YIPF7: variants seen among roughly 807,000 people sequenced by gnomAD.
YIPF7 encodes protein YIPF7.
In YIPF7, 35 loss-of-function variants were observed where a neutral mutation model predicts 27.2. The observed-to-expected ratio is 1.29, with a 90% CI of 0.98 to 1.70. YIPF7 has a LOEUF of 1.70. Among genes scored for constraint, YIPF7 ranks in the 40% most tolerant of loss-of-function variants. The pLI, the probability that YIPF7 is intolerant of heterozygous loss-of-function variation, is 0.00. For synonymous variants in YIPF7, 137 were observed against 110.4 expected, an observed-to-expected ratio of 1.24 and a Z score of -1.51; for missense variants, 358 against 303.7, an observed-to-expected ratio of 1.18 and a Z score of -1.33.
chr4:44,640,636 C>A (rs1713292512), intron 2 of YIPF7, among the ~76,000 whole-genome samples: 1 of 152,184 alleles, frequency 6.6e-6, no homozygotes, highest in Non-Finnish European at 1.5e-5. Flanking sequence ...GGTGTCATAG[C>A]CAACCCAACT....
At chr4:44,650,507 G>GCGCGCACACACACACACA (rs6148421) in intron 1 of YIPF7, among the ~76,000 whole-genome samples, 4 of 137,086 alleles carry the variant, frequency 2.9e-5, no homozygotes, top group Non-Finnish European at 6.4e-5. Context: ...GCGCGCGCGC[G>GCGCGCACACACACACACA]CACACACACA....
At chr4:44,641,350 T>TA (rs899770938) in intron 2 of YIPF7, among the ~76,000 whole-genome samples, 7 of 151,920 alleles carry the variant, frequency 4.6e-5, no homozygotes, top group African/African-American at 9.7e-5. Context: ...CCATCTTGAA[T>TA]AAAAAAAAGA....
chr4:44,633,495 T>A (rs1361244160), intron 3 of YIPF7, among the ~76,000 whole-genome samples: 1 of 151,986 alleles, frequency 6.6e-6, no homozygotes, highest in Non-Finnish European at 1.5e-5. Context: ...AACTATTGAA[T>A]AAAAAATTTC....
At chr4:44,632,020 A>G (rs1053010632) in intron 3 of YIPF7, among the ~76,000 whole-genome samples, 1 of 152,144 alleles carries the variant, frequency 6.6e-6, no homozygotes, top group Non-Finnish European at 1.5e-5. Context: ...TCAACCATGT[A>G]TTTAATGGCA....
intron 2 of YIPF7, 108 bp from the exon 3 acceptor site, chr4:44,636,193 T>A: frequency 4.3e-6 from 5 of 1,152,420 alleles, no homozygotes; most frequent in Non-Finnish European, 5.9e-6. Context: ...TTTATGAGTA[T>A]TTACTCATGA....
At chr4:44,628,927 T>C (rs1371242) in intron 4 of YIPF7, among the ~76,000 whole-genome samples, 79,553 of 151,956 alleles carry the variant, frequency 0.52, 22,205 homozygotes, top group Non-Finnish European at 0.63. Context: ...TAATTTTTCA[T>C]AGTAGCCTAA....
At chr4:44,643,410 T>C (rs1713407929) in intron 2 of YIPF7, among the ~76,000 whole-genome samples, 1 of 152,176 alleles carries the variant, frequency 6.6e-6, no homozygotes. Context: ...GATCTGAAAC[T>C]TGAAATTATA....
chr4:44,622,307 C>G lies in YIPF7; in HGVS notation c.*107G>C. 7.4e-7 allele frequency: 1 copy of G among 1,355,426 alleles called. No individual in the cohort carries two copies. The highest frequency in any genetic ancestry group is 1.0e-6 in the Non-Finnish European group (1 of 1,000,682). The allele number at this position is 1,355,426 out of a possible 1,614,324, so 84.0% of individuals were successfully genotyped here. ...GCTTTGTCTCTCTGCTTATTACTCT[C>G]TCAAAAGCAATAAAACAGAAATCAT... On this transcript the variant is annotated 3_prime_UTR_variant, in exon 6 of 6. Transcript: ENST00000415895.
At chr4:44,629,334 A>G (rs1577733447) in intron 4 of YIPF7, 69 bp downstream of exon 4, 20 of 1,404,230 alleles carry the variant, frequency 1.4e-5, no homozygotes, top group Non-Finnish European at 1.9e-5. Context: ...TTATATTTAT[A>G]CAGATTGCTT....
chr4:44,651,683 C>A, upstream of YIPF7: 1 of 1,287,850 alleles, frequency 7.8e-7, no homozygotes, highest in Non-Finnish European at 1.1e-6. Flanking sequence ...ATTCTGACAC[C>A]CTGAGCAGAT....
At chr4:44,643,244 G>T (rs186088096) in intron 2 of YIPF7, among the ~76,000 whole-genome samples, 1 of 152,168 alleles carries the variant, frequency 6.6e-6, no homozygotes, top group African/African-American at 2.4e-5. Flanking sequence ...AAGAGACTGG[G>T]TGCATTGTGC....
At chr4:44,628,933 C>A (rs1372827907) in intron 4 of YIPF7, among the ~76,000 whole-genome samples, 2 of 152,006 alleles carry the variant, frequency 1.3e-5, no homozygotes, top group Non-Finnish European at 2.9e-5. Flanking sequence ...TTCATAGTAG[C>A]CTAACCCAAA....
At chr4:44,657,418 G>C (rs770264574) in intron 2 of YIPF7, among the ~76,000 whole-genome samples, 3 of 152,130 alleles carry the variant, frequency 2.0e-5, no homozygotes, top group Non-Finnish European at 4.4e-5. Context: ...AAATACAATT[G>C]AATCTTCTTT....
chr4:44,642,578 C>A (rs1713367147), intron 2 of YIPF7, among the ~76,000 whole-genome samples: 1 of 152,094 alleles, frequency 6.6e-6, no homozygotes. Flanking sequence ...TGTCCCCACC[C>A]AAATCTCATG....
intron 2 of YIPF7, among the ~76,000 whole-genome samples, chr4:44,641,806 A>C (rs17600913): frequency 0.091 from 13,833 of 152,238 alleles, 693 homozygotes; most frequent in Admixed American, 0.14. Flanking sequence ...GCCTGGTGTA[A>C]TAATATTTGA....
chr4:44,631,190 G>A (rs1254099850), intron 3 of YIPF7, among the ~76,000 whole-genome samples: 6 of 152,150 alleles, frequency 3.9e-5, no homozygotes, highest in Non-Finnish European at 8.8e-5. Flanking sequence ...ACTCAAGAAA[G>A]CACATGTTTA....
intron 3 of YIPF7, among the ~76,000 whole-genome samples, chr4:44,635,267 C>T (rs1048566062): frequency 6.6e-6 from 1 of 151,802 alleles, no homozygotes; most frequent in African/African-American, 2.4e-5. Flanking sequence ...AAAAACAGCA[C>T]ATACAGACTG....
chr4:44,651,970 T>C (rs1280152723), upstream of YIPF7, among the ~76,000 whole-genome samples: 1 of 152,240 alleles, frequency 6.6e-6, no homozygotes, highest in Non-Finnish European at 1.5e-5. Flanking sequence ...ATATGGCACA[T>C]GATCTTATGT....
chr4:44,648,476 G>A (rs1052772711), intron 2 of YIPF7, among the ~76,000 whole-genome samples: 1 of 151,982 alleles, frequency 6.6e-6, no homozygotes, highest in Non-Finnish European at 1.5e-5. Flanking sequence ...AGGATCCAAT[G>A]AATTAATTTA....
Sources: gnomAD v4.1 joint callset for allele counts (sites outside exome capture counted in the v4.1 genomes callset) on GRCh38, gnomAD v4.1.1 for gene constraint, MANE v1.5 for transcripts, NCBI Gene and HGNC (gene_info 2026-07-23, HGNC 2026-07-21) for gene names.